SETX: variants seen among roughly 807,000 people sequenced by gnomAD.
SETX encodes the protein senataxin.
SETX carries 90 observed loss-of-function variants against 227.2 expected under a neutral mutation model. The ratio of observed to expected loss-of-function variants is 0.40; its 90% CI spans 0.33 to 0.47. The LOEUF (loss-of-function observed/expected upper bound fraction) is 0.47, where lower values mean the gene tolerates loss of function less well. Ranked by LOEUF, SETX falls within the 20% of genes least tolerant of loss-of-function variation. The pLI is 0.91. For missense variants in SETX, 3,052 were observed against 3,181.5 expected, an observed-to-expected ratio of 0.96 and a Z score of 0.98; for synonymous variants, 1,210 against 1,113.2, an observed-to-expected ratio of 1.09 and a Z score of -1.73.
At chr9:132,268,921 C>T (rs917506704) in intron 25 of SETX, among the ~76,000 whole-genome samples, 1 of 152,218 alleles carries the variant, frequency 6.6e-6, no homozygotes, top group Non-Finnish European at 1.5e-5. Context: ...TGAGCGCCAC[C>T]TGGTGGCAGG....
upstream of SETX, among the ~76,000 whole-genome samples, chr9:132,355,686 A>T (rs1309151406): frequency 1.3e-5 from 2 of 152,012 alleles, no homozygotes; most frequent in South Asian, 2.1e-4. Context: ...ACAAAAAAAA[A>T]TTAAAACTCA....
At chr9:132,266,759 G>A (rs1038854313) in intron 25 of SETX, among the ~76,000 whole-genome samples, 3 of 152,074 alleles carry the variant, frequency 2.0e-5, no homozygotes, top group Admixed American at 1.3e-4. Flanking sequence ...GCAACAAGGT[G>A]AGGCTCTGTC....
intron 15 of SETX, among the ~76,000 whole-genome samples, chr9:132,291,659 G>C (rs1844315137): frequency 1.3e-5 from 2 of 152,144 alleles, no homozygotes; most frequent in Admixed American, 6.5e-5. Context: ...AACCAGATTT[G>C]AAAGCCCCTG....
intron 19 of SETX, among the ~76,000 whole-genome samples, chr9:132,282,216 T>C (rs1843570988): frequency 6.6e-6 from 1 of 151,908 alleles, no homozygotes; most frequent in Non-Finnish European, 1.5e-5. Context: ...TTTTTGTTCC[T>C]GCTGGGCATG....
At chr9:132,350,272 C>G (rs1363943577) in intron 2 of SETX, among the ~76,000 whole-genome samples, 2 of 152,128 alleles carry the variant, frequency 1.3e-5, no homozygotes, top group African/African-American at 4.8e-5. Flanking sequence ...ACTGCCTGAA[C>G]GTGGGAGGCA....
intron 11 of SETX, among the ~76,000 whole-genome samples, chr9:132,301,441 G>T (rs575506359): frequency 6.6e-6 from 1 of 151,942 alleles, no homozygotes; most frequent in South Asian, 2.1e-4. Context: ...CAAAACCCCC[G>T]AAGAAAATTC....
intron 10 of SETX, among the ~76,000 whole-genome samples, chr9:132,324,741 C>G (rs141616754): frequency 4.6e-4 from 70 of 152,280 alleles, no homozygotes; most frequent in African/African-American, 1.6e-3. Context: ...ATACTAGGCA[C>G]TCAAATATCT....
chr9:132,285,555 G>A (rs1196356234), intron 18 of SETX, among the ~76,000 whole-genome samples: 1 of 151,532 alleles, frequency 6.6e-6, no homozygotes, highest in Admixed American at 6.6e-5. Context: ...AGACCAGCAT[G>A]GCCAACATGG....
chr9:132,265,672 G>C (rs769187022), intron 25 of SETX, among the ~76,000 whole-genome samples: 3 of 152,064 alleles, frequency 2.0e-5, no homozygotes, highest in Non-Finnish European at 4.4e-5. Context: ...GTACACAGCG[G>C]TCACACACGA....
Position 132,343,146 on chromosome 9 carries a change from C to T in SETX, c.389-347G>A, listed in dbSNP as rs190081802. Among the ~76,000 whole-genome samples, 780 of 152,060 alleles carry T rather than the reference C, an allele frequency of 5.1e-3. 15 individuals carry two copies. The highest frequency in any genetic ancestry group is 0.018 in the African/African-American group (743 of 41,488). On this transcript the variant is annotated intron_variant, in intron 4 of 25. Coordinates refer to ENST00000224140, the MANE Select transcript of SETX (RefSeq NM_015046.7). ...CATCCTGGCTAACACGGTGAAACCCCGTCTCTACTAAAAATACAAAAAATT... is the reference window on the plus strand; with the variant it reads ...CATCCTGGCTAACACGGTGAAACCCTGTCTCTACTAAAAATACAAAAAATT...
At chr9:132,285,466 G>A (rs1052979135) in intron 18 of SETX, among the ~76,000 whole-genome samples, 1 of 152,130 alleles carries the variant, frequency 6.6e-6, no homozygotes, top group African/African-American at 2.4e-5. Flanking sequence ...CCCATAGCTG[G>A]CCAGGCATGG....
At chr9:132,280,015 A>G (rs1843408356) in intron 20 of SETX, among the ~76,000 whole-genome samples, 2 of 152,218 alleles carry the variant, frequency 1.3e-5, no homozygotes, top group South Asian at 4.1e-4. Flanking sequence ...TACAAACACC[A>G]TAAGGGCAGG....
At position 132,329,175 on chromosome 9, in the gene SETX, G is replaced by A; in HGVS notation, c.2423C>T (p.Thr808Ile). Residue 808 changes from threonine to isoleucine, a missense_variant, in exon 10 of 26, where the codon ACT becomes ATT. By Grantham distance (89) the Thr-to-Ile change is moderately conservative (BLOSUM62 -1). This residue lies in a region of SETX where 1,483 missense variants were observed against 1,312.0 expected (regional missense o/e 1.13). Transcript: ENST00000224140. Reference protein sequence around the residue: ...QHRKSTLVDNTINLDENLTVS... With the variant: ...QHRKSTLVDNIINLDENLTVS... Reference sequence around the variant, plus strand: ...AGTCAAATTTTCATCTAAATTGATAGTATTATCGACCAAAGTACTCTTCCT... The same window carrying A: ...AGTCAAATTTTCATCTAAATTGATAATATTATCGACCAAAGTACTCTTCCT... 6.2e-7 allele frequency: 1 copy of A among 1,612,920 alleles called. No individual in the cohort carries two copies. The highest frequency in any genetic ancestry group is 8.5e-7 in the Non-Finnish European group (1 of 1,179,800).
intron 15 of SETX, among the ~76,000 whole-genome samples, chr9:132,293,466 G>A (rs150460800): frequency 6.6e-6 from 1 of 152,214 alleles, no homozygotes; most frequent in African/African-American, 2.4e-5. Context: ...TTGTTGCCCA[G>A]GCTGGAGTTC....
Position 132,346,249 on chromosome 9 carries a change from C to G in SETX, c.388+12G>C, listed in dbSNP as rs757111677. The G allele has an allele frequency of 6.3e-7, 1 of 1,595,150 alleles. No individual in the cohort carries two copies. The highest frequency in any genetic ancestry group is 1.7e-5 in the Admixed American group (1 of 59,994). On this transcript the variant is annotated intron_variant, in intron 4 of 25. Coordinates refer to ENST00000224140, the MANE Select transcript of SETX (RefSeq NM_015046.7). ...AAACTGATATAACTTGAGGAACCATCAAGATACTCACTAACACGTTCATGT... is the reference window on the plus strand; with the variant it reads ...AAACTGATATAACTTGAGGAACCATGAAGATACTCACTAACACGTTCATGT...
At chr9:132,272,298 C>T (rs1015304392) in intron 23 of SETX, among the ~76,000 whole-genome samples, 1 of 152,098 alleles carries the variant, frequency 6.6e-6, no homozygotes, top group Admixed American at 6.6e-5. Flanking sequence ...GGACTACAGG[C>T]ATGGACCACC....
intron 19 of SETX, among the ~76,000 whole-genome samples, chr9:132,282,019 TA>T (rs71376633): frequency 0.23 from 19,202 of 81,722 alleles, 1,200 homozygotes; most frequent in East Asian, 0.3. Context: ...ACTCCGTCTC[TA>T]AAAAAAAAAA....
At chr9:132,352,631 G>C (rs1378385017) in intron 2 of SETX, among the ~76,000 whole-genome samples, 2 of 152,146 alleles carry the variant, frequency 1.3e-5, no homozygotes, top group Non-Finnish European at 2.9e-5. Context: ...TGCACCTGTA[G>C]TCGCAGCTAC....
chr9:132,282,734 T>C (rs1376106757), intron 19 of SETX: 1 of 160,810 alleles, frequency 6.2e-6, no homozygotes. Flanking sequence ...GACATTTTCT[T>C]CAACTATTTA....
Sources: gnomAD v4.1 joint callset for allele counts (sites outside exome capture counted in the v4.1 genomes callset) on GRCh38, gnomAD v4.1.1 for gene constraint, gnomAD v4.1.1 regional missense constraint, MANE v1.5 for transcripts, NCBI Gene and HGNC (gene_info 2026-07-23, HGNC 2026-07-21) for gene names.